The following SETBP1 variants were observed in gnomAD, a reference collection of about 807,000 sequenced individuals.
SETBP1 encodes SET-binding protein.
In SETBP1, 9 loss-of-function variants were observed where a neutral mutation model predicts 101.0. That is an observed-to-expected ratio of 0.09 (90% CI 0.05 to 0.16). The LOEUF is 0.16. Ranked by LOEUF, SETBP1 falls within the 10% of genes least tolerant of loss-of-function variation. SETBP1 has a pLI of 1.00. For synonymous variants in SETBP1, 818 were observed against 788.5 expected (o/e 1.04, Z -0.63); for missense variants, 1,858 against 2,033.8 (o/e 0.91, Z 1.66).
intron 5 of SETBP1, among the ~76,000 whole-genome samples, chr18:45,058,103 G>A (rs1408576241): frequency 6.6e-6 from 1 of 152,174 alleles, no homozygotes; most frequent in Non-Finnish European, 1.5e-5. Flanking sequence ...AATTTGTATT[G>A]CCGAGTTATG....
At chr18:44,852,915 A>T (rs1568181249) in intron 2 of SETBP1, among the ~76,000 whole-genome samples, 1 of 152,192 alleles carries the variant, frequency 6.6e-6, no homozygotes, top group Admixed American at 6.5e-5. Flanking sequence ...TCAAGGGCTG[A>T]TGAGGTATGA....
chr18:45,012,584 C>T (rs895283064), intron 4 of SETBP1, among the ~76,000 whole-genome samples: 2 of 152,092 alleles, frequency 1.3e-5, no homozygotes, highest in Middle Eastern at 3.2e-3. Flanking sequence ...GGAGCCATCT[C>T]TCCAGGATCA....
intron 4 of SETBP1, among the ~76,000 whole-genome samples, chr18:44,994,961 G>A (rs2072458722): frequency 6.6e-6 from 1 of 152,014 alleles, no homozygotes; most frequent in Admixed American, 6.6e-5. Context: ...ATACTCCCAA[G>A]CCTTTTGCCC....
chr18:44,967,223 T>C lies in SETBP1; in HGVS notation c.4000+13883T>C, dbSNP rs2071739542. ...GGTGGATAAGTAACAAAATACACAT[T>C]TCACCCAAAGATAACGGAAAGCTCA... is the stretch of plus-strand genomic sequence containing the variant. On this transcript the variant is annotated intron_variant, in intron 4 of 5. Coordinates refer to ENST00000649279, the MANE Select transcript of SETBP1 (RefSeq NM_015559.3). Among the ~76,000 whole-genome samples, 5 of 152,260 alleles carry C rather than the reference T, an allele frequency of 3.3e-5. 1 individual carries two copies. In the South Asian group the frequency reaches 6.2e-4, roughly 19 times the overall value.
chr18:44,775,202 C>T (rs1443037997), intron 2 of SETBP1, among the ~76,000 whole-genome samples: 1 of 152,066 alleles, frequency 6.6e-6, no homozygotes, highest in East Asian at 1.9e-4. Context: ...ATTTTTTGGT[C>T]AGTTACTTTA....
intron 2 of SETBP1, among the ~76,000 whole-genome samples, chr18:44,819,890 C>G (rs2072070172): frequency 1.3e-5 from 2 of 152,268 alleles, no homozygotes; most frequent in South Asian, 4.1e-4. Context: ...GTAATGATCT[C>G]CAAACCAGCA....
chr18:44,771,995 CATTT>C (rs1204575043), intron 2 of SETBP1, among the ~76,000 whole-genome samples: 1 of 152,222 alleles, frequency 6.6e-6, no homozygotes, highest in Non-Finnish European at 1.5e-5. Context: ...TCCCCGGCAG[CATTT>C]ATTTGTCTAG....
At chr18:44,886,746 C>G (rs1336642884) in intron 3 of SETBP1, among the ~76,000 whole-genome samples, 1 of 130,968 alleles carries the variant, frequency 7.6e-6, no homozygotes, top group East Asian at 2.1e-4. Flanking sequence ...GATTGGTGGA[C>G]TGTACATTTT....
At chr18:44,869,442 C>T (rs2069218415) in intron 3 of SETBP1, 159 bp downstream of exon 3, 9 of 710,706 alleles carry the variant, frequency 1.3e-5, no homozygotes, top group South Asian at 5.9e-5. Context: ...TGCTCTCCTC[C>T]TCCAGCTCCT....
At chr18:45,020,873 C>T (rs1178962647) in intron 4 of SETBP1, among the ~76,000 whole-genome samples, 1 of 152,208 alleles carries the variant, frequency 6.6e-6, no homozygotes, top group Non-Finnish European at 1.5e-5. Context: ...TTCTCTATTG[C>T]ATATCCATCT....
chr18:44,778,202 C>A (rs2144667230), intron 2 of SETBP1, among the ~76,000 whole-genome samples: 1 of 152,312 alleles, frequency 6.6e-6, no homozygotes, highest in East Asian at 1.9e-4. Flanking sequence ...ACTTGCTGGT[C>A]CTGTTCGTCT....
intron 3 of SETBP1, among the ~76,000 whole-genome samples, chr18:44,887,759 C>G (rs963263749): frequency 1.3e-5 from 2 of 152,020 alleles, no homozygotes; most frequent in African/African-American, 4.8e-5. Context: ...AAAAGGCAGG[C>G]AGAAAGTAGT....
chr18:44,923,720 T>C (rs543758842), intron 3 of SETBP1, among the ~76,000 whole-genome samples: 1 of 152,360 alleles, frequency 6.6e-6, no homozygotes, highest in African/African-American at 2.4e-5. Flanking sequence ...CTTCCATCTA[T>C]GGACATGATT....
intron 2 of SETBP1, among the ~76,000 whole-genome samples, chr18:44,719,137 GA>G (rs2069529278): frequency 1.3e-5 from 2 of 152,064 alleles, no homozygotes. Flanking sequence ...CAAGAAACCT[GA>G]AAAATCATGC....
At chr18:45,047,908 A>T (rs2073644205) in intron 5 of SETBP1, among the ~76,000 whole-genome samples, 2 of 152,326 alleles carry the variant, frequency 1.3e-5, no homozygotes, top group African/African-American at 4.8e-5. Context: ...TCTCCCTGGG[A>T]GACACTGGAG....
At chr18:44,944,973 G>A (rs931450895) in intron 3 of SETBP1, among the ~76,000 whole-genome samples, 2 of 152,088 alleles carry the variant, frequency 1.3e-5, no homozygotes, top group African/African-American at 4.8e-5. Flanking sequence ...TTTTTAAAAA[G>A]AAACCTGACT....
chr18:44,882,137 G>T (rs1179287681), intron 3 of SETBP1, among the ~76,000 whole-genome samples: 1 of 152,140 alleles, frequency 6.6e-6, no homozygotes, highest in Non-Finnish European at 1.5e-5. Context: ...AAAAAAGGGA[G>T]ATATCTACTG....
At chr18:44,821,321 T>A (rs2072111307) in intron 2 of SETBP1, among the ~76,000 whole-genome samples, 2 of 152,220 alleles carry the variant, frequency 1.3e-5, no homozygotes, top group South Asian at 4.1e-4. Flanking sequence ...TGCTGGTGCG[T>A]CTCTTTCCTT....
intron 3 of SETBP1, among the ~76,000 whole-genome samples, chr18:44,944,664 T>C (rs1197105049): frequency 1.3e-5 from 2 of 152,366 alleles, no homozygotes; most frequent in African/African-American, 4.8e-5. Flanking sequence ...TTCCTGCTCA[T>C]GTAATCCCAA....
Sources: gnomAD v4.1 joint callset for allele counts (sites outside exome capture counted in the v4.1 genomes callset) on GRCh38, gnomAD v4.1.1 for gene constraint, MANE v1.5 for transcripts, NCBI Gene and HGNC (gene_info 2026-07-23, HGNC 2026-07-21) for gene names.